Variants in TEX14 observed in about 807,000 individuals in gnomAD.
TEX14 encodes testis expressed 14, intercellular bridge forming factor.
In TEX14, 168 loss-of-function variants were observed where a neutral mutation model predicts 178.6. The observed-to-expected ratio is 0.94, with a 90% CI of 0.83 to 1.07. The LOEUF (loss-of-function observed/expected upper bound fraction) is 1.07, where lower values mean the gene tolerates loss of function less well. TEX14 is among the 50% of genes least tolerant of loss of function. TEX14 has a pLI of 0.00. For synonymous variants in TEX14, 626 were observed against 634.1 expected (o/e 0.99, Z 0.19); for missense variants, 1,730 against 1,753.6 (o/e 0.99, Z 0.24).
intron 1 of TEX14, among the ~76,000 whole-genome samples, chr17:58,670,679 A>T (rs2047288943): frequency 6.8e-6 from 1 of 146,678 alleles, no homozygotes; most frequent in Admixed American, 7.0e-5. Context: ...AGGCTGAGGC[A>T]GGATAATTGC....
chr17:58,605,155 C>T (rs770102734), intron 10 of TEX14, 26 bp from the exon 11 acceptor site: 5 of 1,609,756 alleles, frequency 3.1e-6, no homozygotes, highest in East Asian at 2.2e-5. Flanking sequence ...CACAAGTCAG[C>T]GCTCATGCCT....
Position 58,586,263 on chromosome 17 carries a change from C to G in TEX14, c.2789-181G>C, listed in dbSNP as rs182762177. 5.3e-5 allele frequency among the ~76,000 whole-genome samples: 8 copies of G among 152,138 alleles called. No individual in the cohort carries two copies. In the East Asian group the frequency reaches 9.7e-4, roughly 18 times the overall value. On this transcript the variant is annotated intron_variant, in intron 17 of 31. Transcript: ENST00000349033. Reference sequence around the variant, plus strand: ...TGGGAGGTCAGGGGAGAATTGATGACAGAGAGAGAGAAGGGAATTTCAGTC... The same window carrying G: ...TGGGAGGTCAGGGGAGAATTGATGAGAGAGAGAGAGAAGGGAATTTCAGTC...
At chr17:58,609,267 G>A (rs1411414688) in intron 10 of TEX14, among the ~76,000 whole-genome samples, 2 of 152,094 alleles carry the variant, frequency 1.3e-5, no homozygotes, top group African/African-American at 4.8e-5. Context: ...CTGCCACCAC[G>A]CCCGGCTAAT....
intron 8 of TEX14, among the ~76,000 whole-genome samples, 188 bp downstream of exon 8, chr17:58,615,044 C>G (rs189817106): frequency 3.8e-4 from 58 of 152,334 alleles, no homozygotes; most frequent in African/African-American, 1.4e-3. Flanking sequence ...ACTGCTCAGG[C>G]TACTCGTTAA....
chr17:58,559,640 C>A (rs201335479), intron 29 of TEX14, 78 bp from the exon 30 acceptor site: 2 of 702,070 alleles, frequency 2.8e-6, no homozygotes, highest in South Asian at 1.7e-5. Flanking sequence ...AAACAAAAAA[C>A]AAACAACAAC....
intron 2 of TEX14, chr17:58,648,211 C>T (rs1443497084): frequency 6.6e-6 from 1 of 152,270 alleles, no homozygotes; most frequent in Non-Finnish European, 1.5e-5. Flanking sequence ...AAAGCCTGTC[C>T]TTTTGTGGAA....
intron 3 of TEX14, among the ~76,000 whole-genome samples, chr17:58,624,423 C>T (rs929454449): frequency 1.4e-5 from 2 of 147,288 alleles, no homozygotes; most frequent in African/African-American, 5.0e-5. Context: ...TCACTGCAAC[C>T]TCCGCCTCCT....
intron 1 of TEX14, chr17:58,660,818 T>C (rs748117462): frequency 3.8e-6 from 3 of 782,588 alleles, no homozygotes; most frequent in East Asian, 2.4e-5. Flanking sequence ...CAGACTTGGA[T>C]AGCCAGCGCC....
At chr17:58,610,008 A>C (rs1483578392) in intron 10 of TEX14, among the ~76,000 whole-genome samples, 1 of 152,216 alleles carries the variant, frequency 6.6e-6, no homozygotes, top group African/African-American at 2.4e-5. Flanking sequence ...GAGGCCTCAC[A>C]GAAGAGCAGA....
intron 1 of TEX14, among the ~76,000 whole-genome samples, chr17:58,659,100 A>AACAAAC (rs1024502433): frequency 7.2e-5 from 11 of 152,024 alleles, no homozygotes; most frequent in African/African-American, 2.7e-4. Flanking sequence ...TCTGAAAATA[A>AACAAAC]ACACACGCAA....
chr17:58,646,822 C>T (rs1405902066), intron 2 of TEX14, among the ~76,000 whole-genome samples: 1 of 152,044 alleles, frequency 6.6e-6, no homozygotes, highest in East Asian at 1.9e-4. Flanking sequence ...CCAAAGGGCA[C>T]AGTCATAATC....
At chr17:58,614,214 G>A (rs1401349598) in intron 8 of TEX14, among the ~76,000 whole-genome samples, 2 of 152,156 alleles carry the variant, frequency 1.3e-5, no homozygotes, top group African/African-American at 4.8e-5. Context: ...TCAGGGCCTG[G>A]TGCAGTGGCT....
intron 23 of TEX14, 127 bp from the exon 24 acceptor site, chr17:58,572,253 A>AAAC (rs2044550154): frequency 1.9e-5 from 11 of 588,734 alleles, no homozygotes; most frequent in South Asian, 6.7e-5. Flanking sequence ...TTACATTATT[A>AAAC]AAACAAACAA....
Position 58,577,375 on chromosome 17 carries a change from C to T in TEX14, c.3320G>A (p.Ser1107Asn), listed in dbSNP as rs2044703686. ...TGCATAAGATAATAATAGCCCATAC[C>T]TTCGTACAGGTTGAAATTGAGACCT... ...LPRSQFQPVR[S>N]TEDEQEETSK... Residue 1107 changes from serine (S) to asparagine (N), a missense_variant and splice_region_variant, in exon 21 of 32, where the codon AGT (serine) becomes AAT (asparagine). By Grantham distance (46) the Ser-to-Asn change is conservative. Coordinates refer to ENST00000349033, the MANE Select transcript of TEX14 (RefSeq NM_031272.5). 6.4e-6 allele frequency: 9 copies of T among 1,396,432 alleles called. No homozygotes were observed. The highest frequency in any genetic ancestry group is 8.7e-6 in the Non-Finnish European group (9 of 1,033,544). The allele number at this position is 1,396,432 out of a possible 1,614,324, so 86.5% of individuals were successfully genotyped here.
At chr17:58,657,644 G>A (rs1040737746) in intron 1 of TEX14, among the ~76,000 whole-genome samples, 3 of 148,238 alleles carry the variant, frequency 2.0e-5, no homozygotes, top group African/African-American at 5.0e-5. Flanking sequence ...GCAAAATTAT[G>A]ACTGAGACAG....
At chr17:58,677,163 T>C (rs915571262) in intron 1 of TEX14, among the ~76,000 whole-genome samples, 2 of 150,372 alleles carry the variant, frequency 1.3e-5, no homozygotes, top group South Asian at 4.2e-4. Context: ...TGGTGGCACA[T>C]GCCTGTACAG....
intron 10 of TEX14, among the ~76,000 whole-genome samples, chr17:58,607,482 C>A (rs549238203): frequency 8.3e-6 from 1 of 120,218 alleles, no homozygotes; most frequent in African/African-American, 3.2e-5. Flanking sequence ...CCCCTGTATC[C>A]TGGAGACATC....
intron 1 of TEX14, chr17:58,679,514 A>G (rs564689120): frequency 6.6e-6 from 1 of 152,312 alleles, no homozygotes; most frequent in East Asian, 1.9e-4. Flanking sequence ...GCCTTTTATA[A>G]ACAAGCCAGA....
At chr17:58,575,113 C>CTTTTTTTT (rs200915772) in intron 21 of TEX14, among the ~76,000 whole-genome samples, 1 of 135,540 alleles carries the variant, frequency 7.4e-6, no homozygotes, top group Non-Finnish European at 1.6e-5. Flanking sequence ...CATGTTTTCA[C>CTTTTTTTT]TTTTTTTTTT....
Sources: gnomAD v4.1 joint callset for allele counts (sites outside exome capture counted in the v4.1 genomes callset) on GRCh38, gnomAD v4.1.1 for gene constraint, MANE v1.5 for transcripts, NCBI Gene and HGNC (gene_info 2026-07-23, HGNC 2026-07-21) for gene names.